SLC35E4: variants seen among roughly 807,000 people sequenced by gnomAD.
SLC35E4 encodes the protein solute carrier family 35 member E4.
A neutral mutation model predicts 19.3 loss-of-function variants in SLC35E4; 15 were observed. The ratio of observed to expected loss-of-function variants is 0.78; its 90% confidence interval spans 0.52 to 1.20. SLC35E4 has a LOEUF of 1.20. Ranked by LOEUF, SLC35E4 falls within the 50% of genes most tolerant of loss-of-function variation. SLC35E4 has a pLI of 0.00. For missense variants in SLC35E4, 406 were observed against 472.3 expected (o/e 0.86, Z 1.30); for synonymous variants, 219 against 219.9 (o/e 1.00, Z 0.04).
At chr22:30,667,250 G>A (rs2088707940), downstream of SLC35E4, 1 of 152,194 alleles carries the variant, frequency 6.6e-6, no homozygotes, top group Non-Finnish European at 1.5e-5. Context: ...ATAAAGCAAA[G>A]AAGCCGACCT....
At chr22:30,641,318 C>A (rs756823392) in intron 1 of SLC35E4, among the ~76,000 whole-genome samples, 2 of 152,188 alleles carry the variant, frequency 1.3e-5, no homozygotes, top group Non-Finnish European at 2.9e-5. Context: ...CCCTCCTTCC[C>A]TCCCTCCCTA....
Position 30,636,372 on chromosome 22 carries a change from T to G in SLC35E4, c.-79T>G, listed in dbSNP as rs564858008. On this transcript the variant is annotated 5_prime_UTR_variant, in exon 1 of 2. Coordinates refer to ENST00000343605, the MANE Select transcript of SLC35E4 (RefSeq NM_001001479.4). ...GGGTCGGAGGAACCAGGATCTAGCC[T>G]GGCCCCAAGCGGAACTCTCTGGTGG... The G allele has an allele frequency of 7.3e-5, 105 of 1,431,616 alleles. 3 individuals carry two copies. The South Asian group carries it at 1.5e-3, about 20-fold the overall frequency. The allele number at this position is 1,431,616 out of a possible 1,614,324, so 88.7% of individuals were successfully genotyped here. A position where few individuals can be genotyped will look rare whatever the true frequency, so the allele number is the denominator to read the frequency against.
At chr22:30,639,591 G>A (rs892899406) in intron 1 of SLC35E4, among the ~76,000 whole-genome samples, 2 of 152,164 alleles carry the variant, frequency 1.3e-5, no homozygotes, top group Admixed American at 6.5e-5. Context: ...CCCAGAAGCA[G>A]CCATTTTAGA....
chr22:30,639,068 C>T lies in SLC35E4; in HGVS notation c.619+1999C>T, dbSNP rs548077990. Among the ~76,000 whole-genome samples the T allele has an allele frequency of 1.3e-3, 194 of 152,260 alleles. 1 individual carries two copies. The highest frequency in any genetic ancestry group is 4.1e-3 in the African/African-American group (171 of 41,542). Reference sequence around the variant, plus strand: ...GGGGGAAATTCAGCCAGATATCGGGCGAAATTCACCCCTGATATTTCACGT... The same window carrying T: ...GGGGGAAATTCAGCCAGATATCGGGTGAAATTCACCCCTGATATTTCACGT... On this transcript the variant is annotated intron_variant, in intron 1 of 1. Transcript: ENST00000343605.
At chr22:30,641,282 G>A (rs1192278045) in intron 1 of SLC35E4, among the ~76,000 whole-genome samples, 1 of 152,298 alleles carries the variant, frequency 6.6e-6, no homozygotes, top group Admixed American at 6.5e-5. Context: ...GCCTGGCATC[G>A]GGCTGCATCT....
In SLC35E4 at chr22:30,647,381, C is replaced by A; in HGVS notation, c.*350C>A. 1.0e-5 allele frequency: 2 copies of A among 197,372 alleles called. No individual in the cohort carries two copies. Among genetic ancestry groups the A allele is most frequent in the South Asian group, 1.5e-4 (1 of 6,534 alleles). The allele number at this position is 197,372 out of a possible 1,614,324, so 12.2% of individuals were successfully genotyped here. ...TGCTACTGCACTCCAGCCTGGGAGA[C>A]AGAGCGAGACGCTGTCTCAATTAAA... is the stretch of plus-strand genomic sequence containing the variant. On this transcript the variant is annotated 3_prime_UTR_variant, in exon 2 of 2. Transcript: ENST00000343605.
intron 1 of SLC35E4, among the ~76,000 whole-genome samples, chr22:30,637,385 C>T (rs1025477232): frequency 6.6e-6 from 1 of 152,220 alleles, no homozygotes; most frequent in Non-Finnish European, 1.5e-5. Context: ...TCAAGTGATT[C>T]TTCTGCCTCA....
downstream of SLC35E4, among the ~76,000 whole-genome samples, chr22:30,648,504 T>G (rs1267683108): frequency 6.6e-6 from 1 of 152,036 alleles, no homozygotes; most frequent in Non-Finnish European, 1.5e-5. Flanking sequence ...GTAATCCCAG[T>G]ACTTTGGGAG....
chr22:30,639,603 G>T (rs1472731293), intron 1 of SLC35E4, among the ~76,000 whole-genome samples: 1 of 152,124 alleles, frequency 6.6e-6, no homozygotes, highest in Non-Finnish European at 1.5e-5. Flanking sequence ...CATTTTAGAG[G>T]CCTACCCTCA....
downstream of SLC35E4, among the ~76,000 whole-genome samples, chr22:30,651,572 G>A (rs1456246144): frequency 1.3e-5 from 2 of 149,716 alleles, no homozygotes; most frequent in East Asian, 2.0e-4. Flanking sequence ...GAGCCACTGC[G>A]CTTGGCCAAA....
intron 2 of SLC35E4, among the ~76,000 whole-genome samples, chr22:30,659,382 C>T (rs1036026482): frequency 3.3e-5 from 5 of 151,878 alleles, no homozygotes; most frequent in African/African-American, 1.2e-4. Flanking sequence ...TTTTTTCTCT[C>T]TTTTTTTTGA....
chr22:30,657,097 G>A (rs2088352697), intron 2 of SLC35E4, among the ~76,000 whole-genome samples: 1 of 152,146 alleles, frequency 6.6e-6, no homozygotes, highest in African/African-American at 2.4e-5. Context: ...GGATATTGTG[G>A]CTGGACCATA....
intron 2 of SLC35E4, among the ~76,000 whole-genome samples, chr22:30,655,103 G>A (rs556091992): frequency 3.9e-5 from 6 of 152,116 alleles, no homozygotes; most frequent in African/African-American, 9.7e-5. Flanking sequence ...ACAGAGCCAC[G>A]GTGTGAAGTT....
chr22:30,645,191 C>T (rs2088107893), intron 1 of SLC35E4, among the ~76,000 whole-genome samples: 1 of 152,182 alleles, frequency 6.6e-6, no homozygotes, highest in South Asian at 2.1e-4. Flanking sequence ...AGCTGGGACC[C>T]TCTGCTGGCC....
At chr22:30,665,279 G>T (rs1198291208), downstream of SLC35E4, among the ~76,000 whole-genome samples, 1 of 152,220 alleles carries the variant, frequency 6.6e-6, no homozygotes, top group East Asian at 1.9e-4. Context: ...GCTATCCACT[G>T]TGAGGATAAG....
intron 2 of SLC35E4, chr22:30,653,946 G>A (rs5997722): frequency 0.17 from 28,254 of 166,702 alleles, 3,002 homozygotes; most frequent in African/African-American, 0.29. Context: ...CGTTCTTTTC[G>A]GCCTGTTTCT....
downstream of SLC35E4, among the ~76,000 whole-genome samples, chr22:30,664,485 T>G (rs2088581792): frequency 6.6e-6 from 1 of 152,224 alleles, no homozygotes. Context: ...TTGCTGCTCT[T>G]CCAAATTCTC....
chr22:30,641,281 C>T (rs1425172814), intron 1 of SLC35E4, among the ~76,000 whole-genome samples: 1 of 152,322 alleles, frequency 6.6e-6, no homozygotes, highest in Non-Finnish European at 1.5e-5. Context: ...TGCCTGGCAT[C>T]GGGCTGCATC....
intron 2 of SLC35E4, among the ~76,000 whole-genome samples, chr22:30,660,841 ATTTTT>A (rs201034099): frequency 1.4e-5 from 2 of 144,304 alleles, no homozygotes; most frequent in African/African-American, 5.1e-5. Context: ...GCATAGAACA[ATTTTT>A]TTTTTTTTTT....
Sources: allele counts gnomAD v4.1 joint callset (sites outside exome capture counted in the v4.1 genomes callset), GRCh38; gene constraint gnomAD v4.1.1; transcripts MANE v1.5; gene names NCBI Gene and HGNC (gene_info 2026-07-23, HGNC 2026-07-21).